Variants in ERMN observed in about 807,000 individuals in gnomAD.
ERMN encodes the protein ermin, ERM-like protein.
In ERMN, 17 loss-of-function variants were observed where a neutral mutation model predicts 21.4. The observed-to-expected ratio is 0.80, with a 90% CI of 0.54 to 1.19. The LOEUF is 1.19. Ranked by LOEUF, ERMN falls within the 50% of genes most tolerant of loss-of-function variation. The pLI is 0.00. For synonymous variants in ERMN, 115 were observed against 111.9 expected (o/e 1.03, Z -0.17); for missense variants, 348 against 331.6 (o/e 1.05, Z -0.38).
chr2:157,324,547 G>A, intron 2 of ERMN, 123 bp downstream of exon 2: 1 of 739,114 alleles, frequency 1.4e-6, no homozygotes, highest in Non-Finnish European at 2.3e-6. Flanking sequence ...CAGCAGCTTT[G>A]AAAATTTGAA....
Position 157,325,514 on chromosome 2 carries a change from G to GT in ERMN, c.128dup (p.Tyr43Ter), listed in dbSNP as rs1431133522. ...CACCTTCCAGACTGGGTTCTACCCTGTAGTGTGGCAGGGGGCTGTCCACAT... is the reference window on the plus strand; with the variant it reads ...CACCTTCCAGACTGGGTTCTACCCTGTTAGTGTGGCAGGGGGCTGTCCACAT... The part of the protein sequence containing the change: ...LTDVDSPLPH[Y>*]RVEPSLEGAL... The change falls in exon 1 of 3, where the codon TAC becomes TAAC. Residue 43 changes from tyrosine to a stop codon, truncating the protein, a stop_gained and frameshift_variant. Coordinates refer to ENST00000410096, the MANE Select transcript of ERMN (RefSeq NM_020711.3). LOFTEE classifies it high-confidence loss of function. The GT allele has an allele frequency of 6.2e-7, 1 of 1,614,038 alleles. No individual in the cohort carries two copies. The highest frequency in any genetic ancestry group is 2.2e-5 in the East Asian group (1 of 44,892).
In ERMN at chr2:157,321,204, T is replaced by C. The variant is rs1315990988; in HGVS notation, c.*67A>G. 4.6e-6 allele frequency: 7 copies of C among 1,534,172 alleles called. No homozygotes were observed. In the African/African-American group the frequency reaches 9.7e-5, roughly 21 times the overall value. ...ATAACTCAAATAAGGCATAGAAATA[T>C]GCACCCTGGGGCAATAGAATTAGCT... On this transcript the variant is annotated 3_prime_UTR_variant, in exon 3 of 3. Transcript: ENST00000410096.
At chr2:157,322,834 C>T (rs1315472749) in intron 2 of ERMN, among the ~76,000 whole-genome samples, 1 of 152,298 alleles carries the variant, frequency 6.6e-6, no homozygotes, top group Middle Eastern at 3.4e-3. Context: ...TCCATAAATA[C>T]ACATTAGAAT....
At chr2:157,326,211 C>A (rs1450087404), upstream of ERMN, among the ~76,000 whole-genome samples, 2 of 152,042 alleles carry the variant, frequency 1.3e-5, no homozygotes, top group Non-Finnish European at 2.9e-5. Flanking sequence ...TTGTAAAGGA[C>A]AATGGCATTG....
chr2:157,322,751 T>G (rs1375361648), intron 2 of ERMN, among the ~76,000 whole-genome samples: 2 of 152,244 alleles, frequency 1.3e-5, no homozygotes, highest in Non-Finnish European at 2.9e-5. Flanking sequence ...GAAGTAAAGA[T>G]GGGTGATCAC....
Position 157,325,592 on chromosome 2 carries a change from T to C in ERMN, c.51A>G (p.Lys17=), listed in dbSNP as rs1361112514. ...TTGTTTGTTGACCGTTTTCAGGTGG[T>C]TTATCCCCATTACACTCAGCCTGGG... ...TFTQAECNGD[K]PPENGQQTIT... Residue 17 remains lysine (K), a synonymous_variant, in exon 1 of 3, where the codon AAA becomes AAG. Coordinates refer to ENST00000410096, the MANE Select transcript of ERMN (RefSeq NM_020711.3). 6.2e-7 allele frequency: 1 copy of C among 1,614,052 alleles called. No individual in the cohort carries two copies. The highest frequency in any genetic ancestry group is 2.2e-5 in the East Asian group (1 of 44,904).
chr2:157,325,094 TAATA>T, intron 1 of ERMN: 3 of 506,736 alleles, frequency 5.9e-6, no homozygotes, highest in Non-Finnish European at 1.1e-5. Flanking sequence ...TCCATAATCA[TAATA>T]AATACAGTAG....
chr2:157,325,774 T>C lies in ERMN; in HGVS notation c.-132A>G, dbSNP rs796340617. 6.5e-6 allele frequency: 10 copies of C among 1,532,668 alleles called. No homozygotes were observed. In the African/African-American group the frequency reaches 1.2e-4, roughly 19 times the overall value. The allele number at this position is 1,532,668 out of a possible 1,614,324, so 94.9% of individuals were successfully genotyped here. Reference sequence around the variant, plus strand: ...TACTCTAAGAGCACAAATTATTCACTTTAGTACATAATAACAAGGTTCTTT... The same window carrying C: ...TACTCTAAGAGCACAAATTATTCACCTTAGTACATAATAACAAGGTTCTTT... On this transcript the variant is annotated 5_prime_UTR_variant, in exon 1 of 3. Coordinates refer to ENST00000410096, the MANE Select transcript of ERMN (RefSeq NM_020711.3).
chr2:157,326,339 G>T (rs1312934697), upstream of ERMN, among the ~76,000 whole-genome samples: 1 of 152,192 alleles, frequency 6.6e-6, no homozygotes, highest in Non-Finnish European at 1.5e-5. Context: ...CTGGAGAAGG[G>T]ACCTATGAAA....
At chr2:157,325,273 C>T in intron 1 of ERMN, 129 bp downstream of exon 1, 1 of 1,219,138 alleles carries the variant, frequency 8.2e-7, no homozygotes, top group Non-Finnish European at 1.2e-6. Flanking sequence ...AGTCCTTATA[C>T]TATGCGTAGT....
rs1683823032 is a variant in ERMN at position 157,319,601 on chromosome 2, T to C, written c.*1670A>G. The C allele has an allele frequency of 6.6e-6, 1 of 152,184 alleles. No homozygotes were observed. The highest frequency in any genetic ancestry group is 2.4e-5 in the African/African-American group (1 of 41,452). 9.4% of individuals were successfully genotyped at this position (152,184 alleles called of 1,614,324 possible). Reference sequence around the variant, plus strand: ...AGGATCTAAATTAAATTGGAAATTGTCCTATTGCATCAATCTTCTCCCTAA... The same window carrying C: ...AGGATCTAAATTAAATTGGAAATTGCCCTATTGCATCAATCTTCTCCCTAA... On this transcript the variant is annotated 3_prime_UTR_variant, in exon 3 of 3. Coordinates refer to ENST00000410096, the MANE Select transcript of ERMN (RefSeq NM_020711.3).
chr2:157,323,570 A>G (rs1683970884), intron 2 of ERMN, among the ~76,000 whole-genome samples: 1 of 152,172 alleles, frequency 6.6e-6, no homozygotes, highest in Admixed American at 6.6e-5. Flanking sequence ...ATTTCAACCA[A>G]TAGTCTCTTC....
chr2:157,327,380 TTTGA>T, upstream of ERMN: 1 of 748,570 alleles, frequency 1.3e-6, no homozygotes, highest in Non-Finnish European at 2.5e-6. Flanking sequence ...TCTATGTTTG[TTTGA>T]TTGTTTAACT....
Position 157,321,790 on chromosome 2 carries a change from C to A in ERMN, c.336G>T (p.Gly112=). Residue 112 remains glycine (G), a splice_region_variant and synonymous_variant, in exon 3 of 3, where the codon GGG becomes GGT. Coordinates refer to ENST00000410096, the MANE Select transcript of ERMN (RefSeq NM_020711.3). ...TCAGAGGAATCTTCTCCCACTGATG[C>A]CCTGTAGCAAAATCAATTGGTAGAT... ...TSADEMTFRE[G]HQWEKIPLSG... is the part of the protein sequence containing the mutation. The A allele has an allele frequency of 6.3e-7, 1 of 1,598,608 alleles. No homozygotes were observed. Among genetic ancestry groups the A allele is most frequent in the South Asian group, 1.1e-5 (1 of 89,282 alleles).
upstream of ERMN, chr2:157,325,889 C>A: frequency 7.2e-7 from 1 of 1,392,928 alleles, no homozygotes; most frequent in Non-Finnish European, 9.3e-7. Flanking sequence ...AGCCAATCAC[C>A]ACCTTCTTTG....
rs775205304 is a variant in ERMN, at chr2:157,319,440, C to G, written c.*1831G>C. 1 of 152,056 alleles carries G rather than the reference C, an allele frequency of 6.6e-6. No homozygotes were observed. The allele number at this position is 152,056 out of a possible 1,614,324, so 9.4% of individuals were successfully genotyped here. A position where few individuals can be genotyped will look rare whatever the true frequency, so the allele number is the denominator to read the frequency against. On this transcript the variant is annotated 3_prime_UTR_variant, in exon 3 of 3. Transcript: ENST00000410096. ...CTGTTGGAATAACTCAAAATACAGG[C>G]TCTTGATGGTAGGTTAAAAACATGG...
chr2:157,319,274 T>C lies in ERMN; in HGVS notation c.*1997A>G. Reference sequence around the variant, plus strand: ...TAGTTTCTGTTGACTAAATCTTTCATAGTTCATTCATTGTCTGGTGAGAGC... The same window carrying C: ...TAGTTTCTGTTGACTAAATCTTTCACAGTTCATTCATTGTCTGGTGAGAGC... On this transcript the variant is annotated 3_prime_UTR_variant, in exon 3 of 3. Coordinates refer to ENST00000410096, the MANE Select transcript of ERMN (RefSeq NM_020711.3). 6.6e-6 allele frequency: 1 copy of C among 152,194 alleles called. No homozygotes were observed. The highest frequency in any genetic ancestry group is 1.5e-5 in the Non-Finnish European group (1 of 68,030). 9.4% of individuals were successfully genotyped at this position (152,194 alleles called of 1,614,324 possible). A position where few individuals can be genotyped will look rare whatever the true frequency, so the allele number is the denominator to read the frequency against.
At position 157,319,840 on chromosome 2, in the gene ERMN, G is replaced by A. The variant is rs1432266232; in HGVS notation, c.*1431C>T. ...ACTATGGAAATATAATATATGACCC[G>A]GAAGGATTAAAGAAGTTGTCATTAG... is the stretch of plus-strand genomic sequence containing the variant. On this transcript the variant is annotated 3_prime_UTR_variant, in exon 3 of 3. Transcript: ENST00000410096. 5 of 152,056 alleles carry A rather than the reference G, an allele frequency of 3.3e-5. No individual in the cohort carries two copies. The highest frequency in any genetic ancestry group is 3.9e-4 in the East Asian group (2 of 5,194). The allele number at this position is 152,056 out of a possible 1,614,324, so 9.4% of individuals were successfully genotyped here.
chr2:157,324,120 A>ACACACACACACACACACAC (rs397966695), intron 2 of ERMN: 3 of 255,316 alleles, frequency 1.2e-5, no homozygotes, highest in African/African-American at 7.1e-5. Flanking sequence ...ACACACACAC[A>ACACACACACACACACACAC]AAATAGCTGG....
Sources: allele counts gnomAD v4.1 joint callset (sites outside exome capture counted in the v4.1 genomes callset), GRCh38; gene constraint gnomAD v4.1.1; transcripts MANE v1.5; gene names NCBI Gene and HGNC (gene_info 2026-07-23, HGNC 2026-07-21).